CFAP263: variants seen among roughly 807,000 people sequenced by gnomAD.
CFAP263 encodes cilia- and flagella-associated protein 263.
the CFAP263 span, among the ~76,000 whole-genome samples, chr16:58,272,306 G>A: frequency 2.6e-5 from 4 of 152,206 alleles, no homozygotes; most frequent in African/African-American, 9.6e-5. Context: ...GTGAGCCACC[G>A]CACCCGGCCA....
At chr16:58,277,409 G>A in the CFAP263 span, among the ~76,000 whole-genome samples, 11 of 152,262 alleles carry the variant, frequency 7.2e-5, no homozygotes, top group East Asian at 1.9e-4. Context: ...GATTACAGGC[G>A]TGAGCCACTC....
At chr16:58,283,531 A>G in the CFAP263 span, 1 of 152,108 alleles carries the variant, frequency 6.6e-6, no homozygotes, top group African/African-American at 2.4e-5. Flanking sequence ...AACGGGCAGC[A>G]TTTTTTTCTT....
the CFAP263 span, among the ~76,000 whole-genome samples, chr16:58,262,787 A>ATAGG: frequency 4.7e-5 from 7 of 150,350 alleles, no homozygotes; most frequent in East Asian, 1.9e-4. Flanking sequence ...AGATAGATAG[A>ATAGG]TAGATAGATA....
the CFAP263 span, among the ~76,000 whole-genome samples, chr16:58,266,987 G>T: frequency 3.3e-5 from 5 of 152,156 alleles, no homozygotes; most frequent in African/African-American, 1.2e-4. Context: ...CTCCCTAAAG[G>T]TCAGTTCTCT....
At chr16:58,258,443 A>G in the CFAP263 span, 1 of 1,613,964 alleles carries the variant, frequency 6.2e-7, no homozygotes, top group Non-Finnish European at 8.5e-7. Context: ...AGATATTCTA[A>G]AAGCCATATC....
At chr16:58,257,830 A>T in the CFAP263 span, among the ~76,000 whole-genome samples, 1 of 152,142 alleles carries the variant, frequency 6.6e-6, no homozygotes, top group East Asian at 1.9e-4. Flanking sequence ...TAGCTTGGCC[A>T]GGCGCGGTGG....
At chr16:58,258,142 A>G in the CFAP263 span, among the ~76,000 whole-genome samples, 3 of 151,266 alleles carry the variant, frequency 2.0e-5, no homozygotes, top group East Asian at 1.9e-4. Context: ...GATACCTGAC[A>G]CCTGTTTTTG....
At chr16:58,280,547 G>C in the CFAP263 span, 2 of 1,614,152 alleles carry the variant, frequency 1.2e-6, no homozygotes, top group Non-Finnish European at 1.7e-6. Flanking sequence ...GGTCCATGGT[G>C]GGAGAAAGAA....
the CFAP263 span, among the ~76,000 whole-genome samples, chr16:58,274,724 C>A: frequency 6.6e-6 from 1 of 152,200 alleles, no homozygotes; most frequent in Admixed American, 6.5e-5. Flanking sequence ...TCAATCAAAT[C>A]TTCTTTTCTT....
chr16:58,252,360 A>G, the CFAP263 span, among the ~76,000 whole-genome samples: 1 of 151,172 alleles, frequency 6.6e-6, no homozygotes, highest in Non-Finnish European at 1.5e-5. Flanking sequence ...TAAAATATAT[A>G]TATGTATATA....
chr16:58,283,297 C>G, the CFAP263 span: 1 of 152,182 alleles, frequency 6.6e-6, no homozygotes, highest in African/African-American at 2.4e-5. Context: ...TCTATGGGGA[C>G]GGGTCACCAT....
the CFAP263 span, chr16:58,258,559 C>A: frequency 1.3e-6 from 2 of 1,597,190 alleles, no homozygotes; most frequent in Non-Finnish European, 1.7e-6. Context: ...AGGGAAAAAA[C>A]ATTCTTACAG....
At chr16:58,252,706 C>G in the CFAP263 span, 1 of 1,609,746 alleles carries the variant, frequency 6.2e-7, no homozygotes, top group Non-Finnish European at 8.5e-7. Context: ...CTAGAACTTA[C>G]TCAGGTACCC....
chr16:58,280,238 A>G, the CFAP263 span: 2 of 1,611,590 alleles, frequency 1.2e-6, no homozygotes, highest in Non-Finnish European at 1.7e-6. Context: ...ATACTGCTGC[A>G]AAAGAAAACA....
chr16:58,270,502 T>C, the CFAP263 span, among the ~76,000 whole-genome samples: 1 of 152,148 alleles, frequency 6.6e-6, no homozygotes, highest in African/African-American at 2.4e-5. Context: ...AGGTGACCCA[T>C]TGTAAGTTAA....
chr16:58,262,233 T>A, the CFAP263 span: 1 of 686,642 alleles, frequency 1.5e-6, no homozygotes, highest in Non-Finnish European at 2.5e-6. Flanking sequence ...CCTAACACCA[T>A]GCCTGGGACC....
At chr16:58,269,198 G>T in the CFAP263 span, among the ~76,000 whole-genome samples, 1 of 152,128 alleles carries the variant, frequency 6.6e-6, no homozygotes, top group African/African-American at 2.4e-5. Context: ...AGGCATGGTG[G>T]TGGGCACCTG....
chr16:58,278,462 A>G, the CFAP263 span: 5 of 1,612,438 alleles, frequency 3.1e-6, no homozygotes, highest in South Asian at 5.5e-5. Flanking sequence ...CCTGGGTGTA[A>G]CTGGTCCTTC....
the CFAP263 span, chr16:58,280,488 A>G: frequency 2.5e-6 from 4 of 1,614,218 alleles, no homozygotes; most frequent in Non-Finnish European, 3.4e-6. Context: ...ATGATCCAAC[A>G]TGGCCCAGTT....
Sources: gnomAD v4.1 joint callset for allele counts (sites outside exome capture counted in the v4.1 genomes callset) on GRCh38, gnomAD v4.1.1 for gene constraint, MANE v1.5 for transcripts, NCBI Gene and HGNC (gene_info 2026-07-23, HGNC 2026-07-21) for gene names.